The following ERC2 variants were observed in gnomAD, a reference collection of about 807,000 sequenced individuals.
The protein encoded by ERC2 is ELKS/RAB6-interacting/CAST family member 2, also known as ERC protein 2.
A neutral mutation model predicts 114.8 loss-of-function variants in ERC2; 42 were observed. That is an observed-to-expected ratio of 0.37 (90% CI 0.29 to 0.47). The LOEUF is 0.47. ERC2 is among the 20% of genes least tolerant of loss of function. The pLI is 0.99. For missense variants in ERC2, 939 were observed against 1,150.7 expected, an observed-to-expected ratio of 0.82 and a Z score of 2.66; for synonymous variants, 454 against 425.5, an observed-to-expected ratio of 1.07 and a Z score of -0.82.
intron 12 of ERC2, among the ~76,000 whole-genome samples, chr3:55,974,532 C>A (rs1191164492): frequency 6.6e-6 from 1 of 152,216 alleles, no homozygotes; most frequent in Non-Finnish European, 1.5e-5. Flanking sequence ...AAAAATGATT[C>A]CTGGAACAGG....
chr3:56,045,790 A>C (rs1465078269), intron 7 of ERC2, among the ~76,000 whole-genome samples: 1 of 152,144 alleles, frequency 6.6e-6, no homozygotes, highest in East Asian at 1.9e-4. Context: ...GCCCATAAGA[A>C]TATAATTCAG....
intron 15 of ERC2, among the ~76,000 whole-genome samples, chr3:55,701,019 A>C (rs2063197702): frequency 6.6e-6 from 1 of 152,152 alleles, no homozygotes; most frequent in South Asian, 2.1e-4. Context: ...TTGCCATAAC[A>C]ATCCCACTGG....
chr3:56,152,555 C>A (rs1390994603), intron 4 of ERC2, among the ~76,000 whole-genome samples: 1 of 152,112 alleles, frequency 6.6e-6, no homozygotes, highest in African/African-American at 2.4e-5. Flanking sequence ...ACTCCTGGAA[C>A]TTAGCACCTC....
chr3:55,729,138 A>G (rs1018116666), intron 15 of ERC2, among the ~76,000 whole-genome samples: 16 of 152,318 alleles, frequency 1.1e-4, no homozygotes, highest in African/African-American at 3.8e-4. Flanking sequence ...GTTCTGCCTC[A>G]GAATACACCA....
chr3:56,267,140 C>G (rs1157258911), intron 3 of ERC2, among the ~76,000 whole-genome samples: 1 of 152,038 alleles, frequency 6.6e-6, no homozygotes, highest in African/African-American at 2.4e-5. Context: ...AATCCAAAAT[C>G]CAAAATGCTC....
intron 6 of ERC2, among the ~76,000 whole-genome samples, chr3:56,127,201 T>C (rs1043774897): frequency 1.3e-5 from 2 of 152,170 alleles, no homozygotes; most frequent in Non-Finnish European, 2.9e-5. Context: ...AGATATCCCA[T>C]GTTCACGGAT....
intron 12 of ERC2, chr3:55,955,244 GTGTT>G (rs2067865229): frequency 2.3e-6 from 1 of 429,354 alleles, no homozygotes; most frequent in South Asian, 1.6e-5. Flanking sequence ...GTATGGTGGT[GTGTT>G]TGTGTGTGTG....
At chr3:56,413,823 C>T (rs770726136) in intron 2 of ERC2, among the ~76,000 whole-genome samples, 5 of 152,130 alleles carry the variant, frequency 3.3e-5, no homozygotes, top group Non-Finnish European at 7.3e-5. Context: ...GAAATTTCTC[C>T]CCCAAACCAA....
chr3:55,833,136 G>A (rs1320438232), intron 14 of ERC2, among the ~76,000 whole-genome samples: 1 of 149,926 alleles, frequency 6.7e-6, no homozygotes, highest in Non-Finnish European at 1.5e-5. Flanking sequence ...CGTCTGATTG[G>A]TGTACCTGAA....
At chr3:55,690,492 A>G (rs577238481) in intron 16 of ERC2, among the ~76,000 whole-genome samples, 2 of 152,328 alleles carry the variant, frequency 1.3e-5, no homozygotes, top group African/African-American at 4.8e-5. Context: ...CAACCCTCCA[A>G]TGTTGCCAAG....
intron 12 of ERC2, among the ~76,000 whole-genome samples, chr3:55,978,141 G>A (rs2069744502): frequency 6.6e-6 from 1 of 152,100 alleles, no homozygotes. Flanking sequence ...AATGTTTAAG[G>A]AACACACTTA....
intron 17 of ERC2, among the ~76,000 whole-genome samples, chr3:55,594,322 T>TTTAGA (rs2058036520): frequency 4.6e-5 from 7 of 152,116 alleles, no homozygotes; most frequent in Admixed American, 4.6e-4. Flanking sequence ...TGTTTAACTT[T>TTTAGA]TTAGAAGACA....
intron 3 of ERC2, among the ~76,000 whole-genome samples, chr3:56,187,761 AT>A (rs1379107337): frequency 6.6e-6 from 1 of 152,222 alleles, no homozygotes; most frequent in Non-Finnish European, 1.5e-5. Context: ...AGATGCTGAG[AT>A]AGAGAATGAT....
chr3:55,896,478 G>A (rs2063847704), intron 13 of ERC2, among the ~76,000 whole-genome samples: 1 of 152,214 alleles, frequency 6.6e-6, no homozygotes. Flanking sequence ...CAGCAAGAAA[G>A]CAACCCATTT....
chr3:55,797,517 G>C (rs2070614298), intron 14 of ERC2, among the ~76,000 whole-genome samples: 1 of 152,188 alleles, frequency 6.6e-6, no homozygotes, highest in Admixed American at 6.5e-5. Flanking sequence ...GTCACTTGCG[G>C]TTCCCACTAA....
intron 9 of ERC2, among the ~76,000 whole-genome samples, chr3:56,007,754 A>G (rs902729034): frequency 3.9e-5 from 6 of 152,166 alleles, no homozygotes; most frequent in Non-Finnish European, 7.4e-5. Flanking sequence ...AATATAAAAG[A>G]AGCCTCCTAC....
Position 55,856,885 on chromosome 3 carries a change from C to T in ERC2, c.2564+31504G>A, listed in dbSNP as rs140101179. Among the ~76,000 whole-genome samples, 380 of 152,290 alleles carry T rather than the reference C, an allele frequency of 2.5e-3. 2 individuals carry two copies. Among genetic ancestry groups the T allele is most frequent in the African/African-American group, 8.6e-3 (358 of 41,554 alleles). The stretch of plus-strand genomic sequence containing the variant: ...CTACAACATGCAGAAACCTTGAAAA[C>T]ATTATGCTCTATGAAACAAGACAAA... On this transcript the variant is annotated intron_variant, in intron 14 of 17. Coordinates refer to ENST00000288221, the MANE Select transcript of ERC2 (RefSeq NM_015576.3).
chr3:55,854,860 G>C (rs928058189), intron 14 of ERC2, among the ~76,000 whole-genome samples: 23 of 152,004 alleles, frequency 1.5e-4, no homozygotes, highest in African/African-American at 4.3e-4. Context: ...AAGGAGGCTG[G>C]TGGGGAGGGT....
rs1437856398 is a variant in ERC2, at chr3:55,864,146, T to C, written c.2564+24243A>G. Among the ~76,000 whole-genome samples the C allele has an allele frequency of 1.3e-3, 164 of 121,606 alleles. 1 individual carries two copies. The highest frequency in any genetic ancestry group is 4.9e-3 in the African/African-American group (153 of 31,422). 79.8% of individuals were successfully genotyped at this position (121,606 alleles called of 152,430 possible). On this transcript the variant is annotated intron_variant, in intron 14 of 17. Transcript: ENST00000288221. Reference sequence around the variant, plus strand: ...ACACACACATATATATATACATATATATATATATACACATATATATACACA... The same window carrying C: ...ACACACACATATATATATACATATACATATATATACACATATATATACACA...
Sources: allele counts gnomAD v4.1 joint callset (sites outside exome capture counted in the v4.1 genomes callset), GRCh38; gene constraint gnomAD v4.1.1; transcripts MANE v1.5; gene names NCBI Gene and HGNC (gene_info 2026-07-23, HGNC 2026-07-21).